ATP9B: variants seen among roughly 807,000 people sequenced by gnomAD.
ATP9B encodes ATPase phospholipid transporting 9B, also known as probable phospholipid-transporting ATPase IIB.
Under a neutral mutation model 146.1 loss-of-function variants are expected in ATP9B, and 110 were observed. The observed-to-expected ratio is 0.75, with a 90% CI of 0.65 to 0.88. The LOEUF is 0.88. Among genes scored for constraint, ATP9B ranks in the 40% least tolerant of loss-of-function variants. The probability of loss-of-function intolerance (pLI) is 0.00; values close to 1 mark genes in which losing one functional copy is unlikely to be tolerated. For synonymous variants in ATP9B, 604 were observed against 569.7 expected, an observed-to-expected ratio of 1.06 and a Z score of -0.86; for missense variants, 1,499 against 1,496.4, an observed-to-expected ratio of 1.00 and a Z score of -0.03.
chr18:79,279,172 C>G (rs146104193), intron 13 of ATP9B, among the ~76,000 whole-genome samples: 2,330 of 152,246 alleles, frequency 0.015, 65 homozygotes, highest in African/African-American at 0.054. Context: ...GGCTGCTTTC[C>G]CAACGTGGAG....
intron 25 of ATP9B, among the ~76,000 whole-genome samples, chr18:79,349,086 G>A (rs1200111744): frequency 2.0e-5 from 3 of 152,222 alleles, no homozygotes. Context: ...TGCTGTATCT[G>A]CAAAACAGGA....
chr18:79,317,426 T>C (rs1419727153), intron 15 of ATP9B, among the ~76,000 whole-genome samples: 4 of 152,192 alleles, frequency 2.6e-5, no homozygotes, highest in Non-Finnish European at 4.4e-5. Flanking sequence ...ATGCTGAATA[T>C]ATAAAGAATT....
intron 8 of ATP9B, among the ~76,000 whole-genome samples, chr18:79,187,165 A>G (rs1006717429): frequency 6.6e-6 from 1 of 152,220 alleles, no homozygotes; most frequent in African/African-American, 2.4e-5. Context: ...TGATTTGGGA[A>G]GCATCTTGTT....
intron 3 of ATP9B, among the ~76,000 whole-genome samples, chr18:79,111,582 C>T (rs576515145): frequency 1.3e-5 from 2 of 152,226 alleles, no homozygotes; most frequent in East Asian, 3.9e-4. Context: ...CTGTTTTCTG[C>T]TTAGGTTTAA....
chr18:79,255,511 G>C (rs774566397), intron 12 of ATP9B, among the ~76,000 whole-genome samples: 16 of 152,182 alleles, frequency 1.1e-4, no homozygotes, highest in Non-Finnish European at 2.1e-4. Flanking sequence ...GTCCAGTGTC[G>C]TGTGAGAAGA....
At chr18:79,196,085 T>C (rs756132837) in intron 9 of ATP9B, among the ~76,000 whole-genome samples, 1 of 152,096 alleles carries the variant, frequency 6.6e-6, no homozygotes, top group Non-Finnish European at 1.5e-5. Context: ...CTCCCCACAG[T>C]TGGAAGGGGC....
At chr18:79,347,471 G>C (rs1017078560) in intron 23 of ATP9B, among the ~76,000 whole-genome samples, 3 of 152,198 alleles carry the variant, frequency 2.0e-5, no homozygotes. Context: ...TCACAAGGGA[G>C]TCCTTCAACA....
chr18:79,264,994 G>C (rs1251798417), intron 12 of ATP9B, among the ~76,000 whole-genome samples: 1 of 152,124 alleles, frequency 6.6e-6, no homozygotes, highest in Non-Finnish European at 1.5e-5. Context: ...TTGTTGTACA[G>C]ATTATTTCAT....
At chr18:79,253,286 GTT>G in intron 11 of ATP9B, 93 bp from the exon 12 acceptor site, 1 of 1,066,150 alleles carries the variant, frequency 9.4e-7, no homozygotes, top group Non-Finnish European at 1.3e-6. Context: ...AAATTTTAAA[GTT>G]TTTTTTTTAT....
intron 13 of ATP9B, among the ~76,000 whole-genome samples, chr18:79,281,366 G>A (rs994186776): frequency 6.6e-6 from 1 of 151,934 alleles, no homozygotes; most frequent in African/African-American, 2.4e-5. Flanking sequence ...GCATGGTGGT[G>A]CATGCCTGTA....
chr18:79,133,669 G>C (rs2094411353), intron 5 of ATP9B, among the ~76,000 whole-genome samples: 1 of 152,156 alleles, frequency 6.6e-6, no homozygotes, highest in Non-Finnish European at 1.5e-5. Flanking sequence ...ACCCTTAGAG[G>C]ATCTGTGTGA....
chr18:79,236,426 A>G (rs970374437), intron 11 of ATP9B, among the ~76,000 whole-genome samples: 1 of 151,078 alleles, frequency 6.6e-6, no homozygotes, highest in Admixed American at 6.6e-5. Flanking sequence ...CTTTGTTCAT[A>G]GTGTTTTGAT....
chr18:79,266,282 T>C (rs2096202992), intron 12 of ATP9B, among the ~76,000 whole-genome samples: 1 of 152,138 alleles, frequency 6.6e-6, no homozygotes, highest in South Asian at 2.1e-4. Context: ...TTTTTGCTGA[T>C]GTAAAGAAAT....
At chr18:79,204,402 T>G (rs1164186368) in intron 9 of ATP9B, among the ~76,000 whole-genome samples, 1 of 152,210 alleles carries the variant, frequency 6.6e-6, no homozygotes, top group Non-Finnish European at 1.5e-5. Flanking sequence ...CCCTCCTCCC[T>G]TCCTGATACA....
intron 5 of ATP9B, among the ~76,000 whole-genome samples, chr18:79,138,758 ATTG>A (rs1489610011): frequency 2.7e-5 from 4 of 148,676 alleles, no homozygotes; most frequent in Non-Finnish European, 5.9e-5. Flanking sequence ...TCTGTTCATT[ATTG>A]TTGTTCTTAC....
intron 15 of ATP9B, among the ~76,000 whole-genome samples, chr18:79,315,424 A>G (rs1486588045): frequency 1.3e-5 from 2 of 152,222 alleles, no homozygotes; most frequent in East Asian, 3.8e-4. Context: ...GCTTTTTCAG[A>G]TGATCAAATT....
At chr18:79,095,261 C>T (rs2074693505) in intron 1 of ATP9B, among the ~76,000 whole-genome samples, 1 of 152,146 alleles carries the variant, frequency 6.6e-6, no homozygotes, top group Non-Finnish European at 1.5e-5. Context: ...ACATTGATGC[C>T]TTACTAACCA....
chr18:79,323,541 A>C (rs2096727740), intron 15 of ATP9B, among the ~76,000 whole-genome samples: 1 of 152,192 alleles, frequency 6.6e-6, no homozygotes, highest in Non-Finnish European at 1.5e-5. Flanking sequence ...CTCCCACATA[A>C]GAATGAGAAG....
At chr18:79,355,021 C>T (rs747816250) in intron 25 of ATP9B, among the ~76,000 whole-genome samples, 5 of 152,224 alleles carry the variant, frequency 3.3e-5, no homozygotes, top group African/African-American at 4.8e-5. Flanking sequence ...GCGATGCACC[C>T]GGCATCTGCA....
Sources: gnomAD v4.1 joint callset for allele counts (sites outside exome capture counted in the v4.1 genomes callset) on GRCh38, gnomAD v4.1.1 for gene constraint, MANE v1.5 for transcripts, NCBI Gene and HGNC (gene_info 2026-07-23, HGNC 2026-07-21) for gene names.